The following EML2 variants were observed in gnomAD, a reference collection of about 807,000 sequenced individuals.
EML2 encodes the protein EMAP like 2.
EML2 carries 59 observed loss-of-function variants against 84.7 expected under a neutral mutation model. The ratio of observed to expected loss-of-function variants is 0.70; its 90% CI spans 0.56 to 0.86. The LOEUF (loss-of-function observed/expected upper bound fraction) is 0.86. EML2 is among the 40% of genes least tolerant of loss of function. The pLI is 0.00. For missense variants in EML2, 818 were observed against 855.6 expected, an observed-to-expected ratio of 0.96 and a Z score of 0.55; for synonymous variants, 352 against 348.9, an observed-to-expected ratio of 1.01 and a Z score of -0.10.
chr19:45,625,862 C>CTGTTTTTGTTTT (rs376100577), intron 8 of EML2, among the ~76,000 whole-genome samples: 4 of 140,570 alleles, frequency 2.8e-5, no homozygotes, highest in African/African-American at 1.3e-4. Flanking sequence ...CGCAGCACCC[C>CTGTTTTTGTTTT]TGTTTTTGTT....
At chr19:45,634,190 G>T in intron 4 of EML2, 132 bp downstream of exon 4, 1 of 1,163,970 alleles carries the variant, frequency 8.6e-7, no homozygotes, top group East Asian at 2.6e-5. Flanking sequence ...GGTGGCTTTG[G>T]AGAGGGAGCA....
At chr19:45,643,663 C>T, upstream of EML2, 2 of 1,536,036 alleles carry the variant, frequency 1.3e-6, no homozygotes, top group Non-Finnish European at 1.7e-6. Context: ...GGGGACAGGG[C>T]GTGGAGCTCG....
At chr19:45,622,328 C>A (rs373865543) in intron 9 of EML2, among the ~76,000 whole-genome samples, 1 of 152,188 alleles carries the variant, frequency 6.6e-6, no homozygotes, top group Non-Finnish European at 1.5e-5. Context: ...ACCCATCTCT[C>A]TACTGATCCA....
chr19:45,629,871 G>T, intron 7 of EML2, 80 bp downstream of exon 7: 1 of 1,136,514 alleles, frequency 8.8e-7, no homozygotes, highest in Non-Finnish European at 1.3e-6. Flanking sequence ...GGGTCTATCT[G>T]ATTGCAGACT....
At position 45,627,890 on chromosome 19, in the gene EML2, C is replaced by T. The variant is rs539447684; in HGVS notation, c.607-1051G>A. 3.5e-4 allele frequency among the ~76,000 whole-genome samples: 53 copies of T among 151,974 alleles called. 1 individual carries two copies. Among genetic ancestry groups the T allele is most frequent in the African/African-American group, 1.2e-3 (51 of 41,462 alleles). ...CAGCCTAACCAACATGGAGAAACTCCGTCTCTACTAAAAATACAAAATTAG... is the reference window on the plus strand; with the variant it reads ...CAGCCTAACCAACATGGAGAAACTCTGTCTCTACTAAAAATACAAAATTAG... On this transcript the variant is annotated intron_variant, in intron 7 of 18. Transcript: ENST00000245925.
At chr19:45,616,971 C>T (rs1568439657) in intron 13 of EML2, 118 bp from the exon 14 acceptor site, 1 of 737,826 alleles carries the variant, frequency 1.4e-6, no homozygotes, top group East Asian at 2.7e-5. Context: ...CTGGGCTGGG[C>T]ACGGTGGCTC....
chr19:45,637,863 G>A (rs1973953826), intron 3 of EML2, among the ~76,000 whole-genome samples: 1 of 151,924 alleles, frequency 6.6e-6, no homozygotes, highest in Non-Finnish European at 1.5e-5. Context: ...TTTTAGTAGA[G>A]ACAGGATTTC....
chr19:45,622,900 T>A (rs1034616743), intron 9 of EML2, among the ~76,000 whole-genome samples: 1 of 146,524 alleles, frequency 6.8e-6, no homozygotes, highest in South Asian at 2.2e-4. Context: ...ATACAAAAAA[T>A]TAGCCGGGAG....
chr19:45,626,507 C>T (rs998924887), intron 8 of EML2, among the ~76,000 whole-genome samples, 198 bp downstream of exon 8: 1 of 151,288 alleles, frequency 6.6e-6, no homozygotes, highest in African/African-American at 2.4e-5. Flanking sequence ...TCATGGTGCC[C>T]GGTCACCCTC....
intron 9 of EML2, among the ~76,000 whole-genome samples, chr19:45,623,276 G>A (rs569348494): frequency 4.0e-5 from 6 of 151,880 alleles, no homozygotes; most frequent in Admixed American, 1.3e-4. Context: ...GGAGAATGGC[G>A]TGAACCCAGG....
chr19:45,642,586 T>C, upstream of EML2: 1 of 1,294,936 alleles, frequency 7.7e-7, no homozygotes, highest in East Asian at 3.0e-5. Flanking sequence ...GCGCTGGCCG[T>C]GTGACCTTGG....
chr19:45,637,555 T>G (rs1328866938), intron 3 of EML2, among the ~76,000 whole-genome samples: 1 of 146,788 alleles, frequency 6.8e-6, no homozygotes, highest in Admixed American at 7.0e-5. Context: ...CATGGCTCAC[T>G]GCAACCTCGA....
At chr19:45,616,404 A>T in intron 15 of EML2, 57 bp downstream of exon 15, 1 of 1,374,368 alleles carries the variant, frequency 7.3e-7, no homozygotes. Context: ...AAAATTGGTT[A>T]ATTTTGCACC....
At chr19:45,622,893 C>CA (rs1971874340) in intron 9 of EML2, among the ~76,000 whole-genome samples, 1 of 146,838 alleles carries the variant, frequency 6.8e-6, no homozygotes, top group African/African-American at 2.5e-5. Flanking sequence ...TAAAAAAATA[C>CA]AAAAAATTAG....
Position 45,620,167 on chromosome 19 carries a change from G to A in EML2, c.1123-976C>T, listed in dbSNP as rs1971531063. On this transcript the variant is annotated intron_variant, in intron 11 of 18. Coordinates refer to ENST00000245925, the MANE Select transcript of EML2 (RefSeq NM_012155.4). ...CTCACTCTGTCATCCAGGCTGGAGT[G>A]CAGTGGTAGGATCTCAGCTCACTGC... Among the ~76,000 whole-genome samples the A allele has an allele frequency of 2.0e-5, 3 of 151,962 alleles. No homozygotes were observed. The South Asian group carries it at 6.2e-4, about 32-fold the overall frequency.
intron 7 of EML2, 145 bp downstream of exon 7, chr19:45,629,806 A>T: frequency 1.5e-6 from 1 of 652,232 alleles, no homozygotes; most frequent in South Asian, 1.7e-5. Context: ...CTGAGGTGGC[A>T]AGCGGCTTGC....
intron 16 of EML2, 40 bp downstream of exon 16, chr19:45,615,762 A>T: frequency 6.5e-7 from 1 of 1,532,654 alleles, no homozygotes; most frequent in Non-Finnish European, 9.0e-7. Flanking sequence ...TCTGCAAATG[A>T]GACGGAGGAA....
chr19:45,632,986 G>A lies in EML2; in HGVS notation c.400-15C>T. 6.2e-7 allele frequency: 1 copy of A among 1,611,306 alleles called. No individual in the cohort carries two copies. The highest frequency in any genetic ancestry group is 8.5e-7 in the Non-Finnish European group (1 of 1,179,218). ...GGCGGCAGCGGCTGCAGGGAAGAGAGGCTTGTTACCTTGGGGGTGCCAGCT... is the reference window on the plus strand; with the variant it reads ...GGCGGCAGCGGCTGCAGGGAAGAGAAGCTTGTTACCTTGGGGGTGCCAGCT... On this transcript the variant is annotated splice_polypyrimidine_tract_variant and intron_variant, in intron 5 of 18. Transcript: ENST00000245925.
intron 18 of EML2, 127 bp downstream of exon 18, chr19:45,613,414 T>G: frequency 1.7e-6 from 2 of 1,160,248 alleles, no homozygotes; most frequent in African/African-American, 1.5e-5. Flanking sequence ...TCAAGACTAC[T>G]GTCCTCCTTG....
Sources: gnomAD v4.1 joint callset for allele counts (sites outside exome capture counted in the v4.1 genomes callset) on GRCh38, gnomAD v4.1.1 for gene constraint, MANE v1.5 for transcripts, NCBI Gene and HGNC (gene_info 2026-07-23, HGNC 2026-07-21) for gene names.